The following TFCP2 variants were observed in gnomAD, a reference collection of about 807,000 sequenced individuals.
TFCP2 encodes the protein transcription factor CP2.
Under a neutral mutation model 73.4 loss-of-function variants are expected in TFCP2, and 33 were observed. That is an observed-to-expected ratio of 0.45 (90% confidence interval 0.34 to 0.60). The LOEUF is 0.60. TFCP2 is among the 20% of genes least tolerant of loss of function. The pLI is 0.01. For synonymous variants in TFCP2, 193 were observed against 211.6 expected (o/e 0.91, Z 0.76); for missense variants, 352 against 604.0 (o/e 0.58, Z 4.37).
chr12:51,124,617 C>CGGCA lies in TFCP2; in HGVS notation c.123-5849_123-5846dup, dbSNP rs1199542810. 5 of 534,920 alleles carry CGGCA rather than the reference C, an allele frequency of 9.3e-6. No homozygotes were observed. The East Asian group carries it at 1.9e-4, about 21-fold the overall frequency. The allele number at this position is 534,920 out of a possible 1,614,324, so 33.1% of individuals were successfully genotyped here. ...CAGCCGGAGGAGCGGACTGCCCCGC[C>CGGCA]GGCAGGTAGGTCATGTTCCGAGAGC... On this transcript the variant is annotated intron_variant, in intron 1 of 14. Coordinates refer to ENST00000257915, the MANE Select transcript of TFCP2 (RefSeq NM_005653.5).
intron 3 of TFCP2, 55 bp from the exon 4 acceptor site, chr12:51,116,475 G>T: frequency 3.0e-6 from 3 of 995,018 alleles, no homozygotes; most frequent in South Asian, 1.9e-5. Context: ...AATCAGTGCT[G>T]ACAAAGAAAA....
chr12:51,106,436 T>C (rs1057139676), intron 8 of TFCP2, 89 bp downstream of exon 8: 97 of 944,804 alleles, frequency 1.0e-4, no homozygotes, highest in Admixed American at 2.5e-4. Flanking sequence ...GATATACTTA[T>C]TGATTTAAAA....
chr12:51,160,440 T>G (rs1308571811), intron 1 of TFCP2, among the ~76,000 whole-genome samples: 1 of 145,244 alleles, frequency 6.9e-6, no homozygotes, highest in Non-Finnish European at 1.5e-5. Context: ...CAGCTGTGAA[T>G]TTTTTTTTTT....
At chr12:51,134,674 A>G (rs530026455) in intron 1 of TFCP2, among the ~76,000 whole-genome samples, 25 of 152,334 alleles carry the variant, frequency 1.6e-4, no homozygotes, top group African/African-American at 5.3e-4. Context: ...TGCCCCTTAG[A>G]ACTTTGTACC....
chr12:51,150,440 T>G (rs915571126), intron 1 of TFCP2, among the ~76,000 whole-genome samples: 1 of 152,134 alleles, frequency 6.6e-6, no homozygotes, highest in African/African-American at 2.4e-5. Context: ...AAAAAAATTT[T>G]TTTTAAAAAG....
chr12:51,138,724 C>T (rs941234148), intron 1 of TFCP2, among the ~76,000 whole-genome samples: 10 of 152,000 alleles, frequency 6.6e-5, no homozygotes, highest in Non-Finnish European at 1.5e-4. Context: ...CCACAACATC[C>T]GCCTCCCGGG....
intron 1 of TFCP2, among the ~76,000 whole-genome samples, chr12:51,123,538 T>A (rs557432739): frequency 6.6e-6 from 1 of 152,368 alleles, no homozygotes; most frequent in African/African-American, 2.4e-5. Context: ...TGCCAATGTA[T>A]AATTTAACAT....
chr12:51,159,322 T>C (rs1941603194), intron 1 of TFCP2, among the ~76,000 whole-genome samples: 1 of 151,926 alleles, frequency 6.6e-6, no homozygotes, highest in Non-Finnish European at 1.5e-5. Context: ...AGCAATTCTT[T>C]CTTTTATTTT....
intron 1 of TFCP2, among the ~76,000 whole-genome samples, chr12:51,168,325 G>C (rs1248521422): frequency 6.6e-6 from 1 of 152,028 alleles, no homozygotes; most frequent in African/African-American, 2.4e-5. Context: ...AGGACTGCTT[G>C]AGCTCAGGAA....
At chr12:51,097,509 G>A (rs1328138740) in intron 13 of TFCP2, among the ~76,000 whole-genome samples, 3 of 152,130 alleles carry the variant, frequency 2.0e-5, no homozygotes, top group Non-Finnish European at 4.4e-5. Context: ...GCCTCCCAAA[G>A]TGCTGGGTTT....
At chr12:51,168,075 A>G (rs577583232) in intron 1 of TFCP2, among the ~76,000 whole-genome samples, 3 of 124,740 alleles carry the variant, frequency 2.4e-5, no homozygotes, top group South Asian at 5.8e-4. Flanking sequence ...AAACATAAAT[A>G]ATAAGACAAA....
At chr12:51,167,972 G>A (rs999198305) in intron 1 of TFCP2, among the ~76,000 whole-genome samples, 3 of 152,090 alleles carry the variant, frequency 2.0e-5, no homozygotes, top group Non-Finnish European at 4.4e-5. Flanking sequence ...GCAGCAGGAA[G>A]ATCACTTGAG....
chr12:51,125,354 C>A, intron 1 of TFCP2: 1 of 496,298 alleles, frequency 2.0e-6, no homozygotes, highest in South Asian at 1.6e-5. Context: ...AGGTCTCCTG[C>A]AACAGCTAAG....
Position 51,113,091 on chromosome 12 carries a change from TGG to T in TFCP2, c.458-2110_458-2109del, listed in dbSNP as rs1404418747. On this transcript the variant is annotated intron_variant, in intron 4 of 14. Coordinates refer to ENST00000257915, the MANE Select transcript of TFCP2 (RefSeq NM_005653.5). ...CAGGTAATATGTATTATCAGAACTG[TGG>T]TATTAACTATACTACTGTTTTGGTA... 5.9e-3 allele frequency among the ~76,000 whole-genome samples: 893 copies of T among 152,246 alleles called. 5 individuals are homozygous for T. The highest frequency in any genetic ancestry group is 0.019 in the African/African-American group (782 of 41,554).
intron 13 of TFCP2, among the ~76,000 whole-genome samples, chr12:51,097,157 C>T (rs1453498753): frequency 6.6e-6 from 1 of 151,998 alleles, no homozygotes; most frequent in Non-Finnish European, 1.5e-5. Flanking sequence ...GACAGGGTTT[C>T]TCTATGTTGG....
At chr12:51,155,796 C>T (rs568893754) in intron 1 of TFCP2, among the ~76,000 whole-genome samples, 5 of 152,206 alleles carry the variant, frequency 3.3e-5, no homozygotes, top group Non-Finnish European at 5.9e-5. Context: ...AAAGCCAGCA[C>T]TTTGGGAGGC....
At chr12:51,154,784 T>C (rs1053443700) in intron 1 of TFCP2, among the ~76,000 whole-genome samples, 2 of 152,178 alleles carry the variant, frequency 1.3e-5, no homozygotes, top group African/African-American at 4.8e-5. Flanking sequence ...ACAGTTGACC[T>C]TGGGTAACTG....
chr12:51,110,872 C>T lies in TFCP2; in HGVS notation c.564+5G>A. 1 of 1,604,230 alleles carries T rather than the reference C, an allele frequency of 6.2e-7. No individual in the cohort carries two copies. Among genetic ancestry groups the T allele is most frequent in the Non-Finnish European group, 8.5e-7 (1 of 1,171,106 alleles). On this transcript the variant is annotated splice_donor_5th_base_variant and intron_variant, in intron 5 of 14. Coordinates refer to ENST00000257915, the MANE Select transcript of TFCP2 (RefSeq NM_005653.5). ...AAAACTGGAACCCTATCTGCAACGC[C>T]TTACCTGAATAAACACAGATGTCCT...
chr12:51,134,500 G>A (rs1941019045), intron 1 of TFCP2, among the ~76,000 whole-genome samples: 1 of 152,048 alleles, frequency 6.6e-6, no homozygotes, highest in East Asian at 1.9e-4. Flanking sequence ...TGCCCACGCT[G>A]GTCTTAAACT....
Sources: allele counts gnomAD v4.1 joint callset (sites outside exome capture counted in the v4.1 genomes callset), GRCh38; gene constraint gnomAD v4.1.1; transcripts MANE v1.5; gene names NCBI Gene and HGNC (gene_info 2026-07-23, HGNC 2026-07-21).